The following STAP1 variants were observed in gnomAD, a reference collection of about 807,000 sequenced individuals.
STAP1 encodes the protein signal transducing adaptor family member 1, also known as signal-transducing adaptor protein 1.
STAP1 carries 30 observed loss-of-function variants against 37.8 expected under a neutral mutation model. That is an observed-to-expected ratio of 0.79 (90% CI 0.59 to 1.08). The LOEUF is 1.08. Ranked by LOEUF, STAP1 falls within the 50% of genes least tolerant of loss-of-function variation. The pLI is 0.00. For synonymous variants in STAP1, 130 were observed against 116.0 expected (o/e 1.12, Z -0.78); for missense variants, 357 against 349.4 (o/e 1.02, Z -0.17).
chr4:67,588,395 T>C (rs1728043279), intron 6 of STAP1, among the ~76,000 whole-genome samples: 2 of 151,868 alleles, frequency 1.3e-5, no homozygotes, highest in Admixed American at 1.3e-4. Flanking sequence ...CTTTTTTTTG[T>C]TGTTGTTGTT....
At chr4:67,569,593 T>C (rs1473109393) in intron 1 of STAP1, among the ~76,000 whole-genome samples, 1 of 152,118 alleles carries the variant, frequency 6.6e-6, no homozygotes, top group Non-Finnish European at 1.5e-5. Flanking sequence ...GCTTTTTCTA[T>C]TTTTAAAATT....
At chr4:67,562,494 G>A (rs1310460838) in intron 1 of STAP1, among the ~76,000 whole-genome samples, 1 of 151,978 alleles carries the variant, frequency 6.6e-6, no homozygotes, top group African/African-American at 2.4e-5. Context: ...AGCCGGGCGT[G>A]GTGGCTCACG....
chr4:67,602,977 C>G (rs912801858), intron 8 of STAP1, among the ~76,000 whole-genome samples: 2 of 152,142 alleles, frequency 1.3e-5, no homozygotes, highest in Admixed American at 1.3e-4. Context: ...GATTGGTGAG[C>G]TCCTCCACAC....
intron 3 of STAP1, 92 bp from the exon 4 acceptor site, chr4:67,577,111 A>T: frequency 8.7e-7 from 1 of 1,149,986 alleles, no homozygotes; most frequent in Admixed American, 2.6e-5. Context: ...AAAATGAATT[A>T]TTTTTTAGGC....
chr4:67,578,557 C>G (rs1157509332), intron 4 of STAP1, among the ~76,000 whole-genome samples: 1 of 152,170 alleles, frequency 6.6e-6, no homozygotes. Flanking sequence ...GGGAATTGCA[C>G]TCTTTCCCTC....
intron 8 of STAP1, among the ~76,000 whole-genome samples, chr4:67,601,557 C>T (rs1285110694): frequency 6.6e-6 from 1 of 152,030 alleles, no homozygotes; most frequent in African/African-American, 2.4e-5. Flanking sequence ...TGATGAAATC[C>T]CCCAGCTTTT....
In STAP1 at chr4:67,581,302, C is replaced by A; in HGVS notation, c.364-3C>A. On this transcript the variant is annotated splice_polypyrimidine_tract_variant and splice_region_variant and intron_variant, in intron 4 of 8. Coordinates refer to ENST00000265404, the MANE Select transcript of STAP1 (RefSeq NM_012108.4). ...GCCTGCCTACTCTTTTAATTGGTTT[C>A]AGCTGTCAGTTCCCCAAAACGTGTC... 2 of 1,609,420 alleles carry A rather than the reference C, an allele frequency of 1.2e-6. No homozygotes were observed. Among genetic ancestry groups the A allele is most frequent in the South Asian group, 2.2e-5 (2 of 89,976 alleles).
chr4:67,575,185 G>T (rs1210538027), intron 2 of STAP1, among the ~76,000 whole-genome samples, 200 bp from the exon 3 acceptor site: 1 of 152,046 alleles, frequency 6.6e-6, no homozygotes, highest in Admixed American at 6.6e-5. Flanking sequence ...TTAACAATTG[G>T]CTTTTGCAAA....
chr4:67,561,922 A>G (rs1391527713), intron 1 of STAP1, among the ~76,000 whole-genome samples: 1 of 151,858 alleles, frequency 6.6e-6, no homozygotes, highest in Non-Finnish European at 1.5e-5. Context: ...AAATACAAAA[A>G]TTAGCAGGGC....
intron 3 of STAP1, among the ~76,000 whole-genome samples, chr4:67,575,836 TTG>T (rs1727708254): frequency 6.6e-6 from 1 of 152,170 alleles, no homozygotes; most frequent in Non-Finnish European, 1.5e-5. Flanking sequence ...AGAGAACAAC[TTG>T]TATTAAATAA....
chr4:67,588,806 C>T (rs1031425203), intron 6 of STAP1, among the ~76,000 whole-genome samples: 4 of 152,064 alleles, frequency 2.6e-5, no homozygotes, highest in African/African-American at 7.2e-5. Context: ...TTCCTTCAGG[C>T]GCAATAAAAA....
At chr4:67,578,691 C>CG (rs1560460325) in intron 4 of STAP1, among the ~76,000 whole-genome samples, 1 of 152,054 alleles carries the variant, frequency 6.6e-6, no homozygotes, top group South Asian at 2.1e-4. Flanking sequence ...TGCATCCCCC[C>CG]GGTACACTAA....
rs987132904 is a variant in STAP1 at position 67,607,059 on chromosome 4, C to G, written c.*702C>G. On this transcript the variant is annotated 3_prime_UTR_variant, in exon 9 of 9. Transcript: ENST00000265404. The stretch of plus-strand genomic sequence containing the variant: ...AACCATCAGCCCCAGACTGCATCTA[C>G]TGAATCAAAATAACAGGGATATTTT... 2.0e-5 allele frequency: 3 copies of G among 152,170 alleles called. No homozygotes were observed. Among genetic ancestry groups the G allele is most frequent in the Non-Finnish European group, 4.4e-5 (3 of 68,030 alleles). The allele number at this position is 152,170 out of a possible 1,614,324, so 9.4% of individuals were successfully genotyped here.
intron 7 of STAP1, among the ~76,000 whole-genome samples, chr4:67,592,768 C>T (rs1238002995): frequency 3.3e-5 from 5 of 152,134 alleles, no homozygotes; most frequent in African/African-American, 9.7e-5. Flanking sequence ...CATGCAGCCT[C>T]GAACTCCTGG....
chr4:67,570,368 G>A (rs1362923326), intron 1 of STAP1, among the ~76,000 whole-genome samples: 2 of 152,148 alleles, frequency 1.3e-5, no homozygotes, highest in African/African-American at 2.4e-5. Flanking sequence ...CAACATTATT[G>A]ACAGTTGATA....
At chr4:67,566,538 C>T (rs996954664) in intron 1 of STAP1, among the ~76,000 whole-genome samples, 2 of 152,170 alleles carry the variant, frequency 1.3e-5, no homozygotes, top group African/African-American at 4.8e-5. Flanking sequence ...AGTACACTCA[C>T]TCTCTCCTGG....
intron 8 of STAP1, among the ~76,000 whole-genome samples, chr4:67,597,773 T>C (rs2109876347): frequency 6.6e-6 from 1 of 152,228 alleles, no homozygotes; most frequent in African/African-American, 2.4e-5. Context: ...TTTTGGCCAA[T>C]TTCTCCCATT....
At position 67,581,414 on chromosome 4, in the gene STAP1, T is replaced by A. The variant is rs746987666; in HGVS notation, c.473T>A (p.Val158Glu). 15 of 1,613,518 alleles carry A rather than the reference T, an allele frequency of 9.3e-6. No homozygotes were observed. In the Admixed American group the frequency reaches 1.3e-4, roughly 14 times the overall value. The change falls in exon 5 of 9, where the codon GTG becomes GAG. Residue 158 changes from valine (V) to glutamate (E), a missense_variant. Coordinates refer to ENST00000265404, the MANE Select transcript of STAP1 (RefSeq NM_012108.4). ...RRIETEQSTSVEKEKEPTEDY... is the reference protein window; with the variant it reads ...RRIETEQSTSEEKEKEPTEDY... Reference sequence around the variant, plus strand: ...ATTGAGACAGAGCAGAGTACGTCCGTGGAAAAAGAGAAGGAACCAACTGAA... The same window carrying A: ...ATTGAGACAGAGCAGAGTACGTCCGAGGAAAAAGAGAAGGAACCAACTGAA...
chr4:67,606,263 C>T (rs767647739), intron 8 of STAP1, 33 bp from the exon 9 acceptor site: 31 of 1,575,354 alleles, frequency 2.0e-5, no homozygotes, highest in Middle Eastern at 3.4e-4. Flanking sequence ...AATATTGGTT[C>T]GCTAATTAAG....
Sources: gnomAD v4.1 joint callset for allele counts (sites outside exome capture counted in the v4.1 genomes callset) on GRCh38, gnomAD v4.1.1 for gene constraint, MANE v1.5 for transcripts, NCBI Gene and HGNC (gene_info 2026-07-23, HGNC 2026-07-21) for gene names.